UNC79: variants seen among roughly 807,000 people sequenced by gnomAD.
UNC79 encodes the protein protein unc-79 homolog.
Under a neutral mutation model 283.1 loss-of-function variants are expected in UNC79, and 37 were observed. The observed-to-expected ratio is 0.13, with a 90% CI of 0.10 to 0.17. The LOEUF is 0.17. UNC79 is among the 10% of genes least tolerant of loss of function. The probability of loss-of-function intolerance (pLI) is 1.00; values close to 1 mark genes in which losing one functional copy is unlikely to be tolerated. For missense variants in UNC79, 2,272 were observed against 3,211.1 expected (o/e 0.71, Z 7.07); for synonymous variants, 1,107 against 1,200.2 (o/e 0.92, Z 1.61).
intron 4 of UNC79, among the ~76,000 whole-genome samples, chr14:93,483,115 CT>C (rs2058224490): frequency 6.6e-6 from 1 of 152,164 alleles, no homozygotes; most frequent in South Asian, 2.1e-4. Context: ...TATTTGCTTC[CT>C]TACATTCTTT....
chr14:93,424,874 C>T (rs1443299961), intron 1 of UNC79, among the ~76,000 whole-genome samples: 2 of 152,024 alleles, frequency 1.3e-5, no homozygotes, highest in East Asian at 3.9e-4. Context: ...AATTGGATTG[C>T]GTATAACACA....
At chr14:93,333,390 T>TCGGCGGC in exon 1 of UNC79, 2 of 398,662 alleles carry the variant, frequency 5.0e-6, no homozygotes, top group Non-Finnish European at 8.8e-6. Context: ...ATGTTTCCGT[T>TCGGCGGC]CGGCGGCCGG....
chr14:93,411,456 T>C (rs1161466402), intron 1 of UNC79, among the ~76,000 whole-genome samples: 1 of 152,132 alleles, frequency 6.6e-6, no homozygotes, highest in Non-Finnish European at 1.5e-5. Flanking sequence ...GGAACAAAGG[T>C]GATAGCCAGG....
chr14:93,385,962 A>C (rs897442299), intron 1 of UNC79, among the ~76,000 whole-genome samples: 2 of 151,926 alleles, frequency 1.3e-5, no homozygotes, highest in African/African-American at 4.8e-5. Flanking sequence ...GATGCCCTTT[A>C]TTTCTTTCTC....
chr14:93,642,960 G>A (rs544861514), intron 33 of UNC79, among the ~76,000 whole-genome samples: 3 of 152,206 alleles, frequency 2.0e-5, no homozygotes, highest in South Asian at 4.1e-4. Flanking sequence ...ACCTAAAAGC[G>A]GGTGCCATTG....
At chr14:93,464,458 G>C in intron 1 of UNC79, 1 of 452,550 alleles carries the variant, frequency 2.2e-6, no homozygotes, top group South Asian at 1.6e-5. Context: ...GATTGGATTA[G>C]GGTCCACCAC....
intron 1 of UNC79, among the ~76,000 whole-genome samples, chr14:93,388,384 C>T (rs185234006): frequency 1.3e-5 from 2 of 152,212 alleles, no homozygotes; most frequent in Admixed American, 1.3e-4. Context: ...TCTCTTTCTC[C>T]CTTTCTTCCT....
At chr14:93,465,857 T>G (rs2140248695) in intron 1 of UNC79, among the ~76,000 whole-genome samples, 1 of 152,318 alleles carries the variant, frequency 6.6e-6, no homozygotes, top group South Asian at 2.1e-4. Flanking sequence ...CAGTAATGCT[T>G]CATTACTGTG....
In UNC79 at chr14:93,467,652, T is replaced by TTTTTTTTTTTTTTTG; in HGVS notation, c.23-13_23-12insTTTTTTTTGTTTTTT. The TTTTTTTTTTTTTTTG allele has an allele frequency of 9.1e-7, 1 of 1,098,802 alleles. No homozygotes were observed. 68.1% of individuals were successfully genotyped at this position (1,098,802 alleles called of 1,614,324 possible). A position where few individuals can be genotyped will look rare whatever the true frequency, so the allele number is the denominator to read the frequency against. ...CCTTTTTTTTTTTTTTTTTTTTTTT[T>TTTTTTTTTTTTTTTG]TTTTTTGCTTTTATCTAGTTGCTTC... On this transcript the variant is annotated intron_variant, in intron 1 of 48. Coordinates refer to ENST00000555664, the Ensembl canonical transcript of UNC79.
exon 30 of UNC79, chr14:93,622,294 A>G (rs376584693): frequency 1.1e-5 from 17 of 1,613,980 alleles, no homozygotes; most frequent in Non-Finnish European, 1.1e-5. Context: ...TTGTACAAGT[A>G]AGTGTGGAGG....
At chr14:93,434,201 A>G (rs1484077316) in intron 1 of UNC79, among the ~76,000 whole-genome samples, 1 of 152,018 alleles carries the variant, frequency 6.6e-6, no homozygotes, top group Non-Finnish European at 1.5e-5. Flanking sequence ...AAACCAGAGC[A>G]AAACTCCGTC....
At chr14:93,386,580 G>A (rs2054778934) in intron 1 of UNC79, among the ~76,000 whole-genome samples, 1 of 152,190 alleles carries the variant, frequency 6.6e-6, no homozygotes, top group Non-Finnish European at 1.5e-5. Flanking sequence ...GAATTCAGCA[G>A]TGAAGCCTTT....
chr14:93,416,322 T>C (rs933947091), intron 1 of UNC79, among the ~76,000 whole-genome samples: 19 of 146,322 alleles, frequency 1.3e-4, no homozygotes, highest in African/African-American at 4.6e-4. Flanking sequence ...TCCATGTAGT[T>C]GAGCAGTTTT....
In UNC79 at chr14:93,673,570, A is replaced by T. The variant is rs147014505; in HGVS notation, c.6741+115A>T. On this transcript the variant is annotated intron_variant, in intron 41 of 48. Transcript: ENST00000555664. ...AAATATCTTTGCTTAGAGATGATAA[A>T]TAATATATCTTATATGGACCATGAT... The T allele has an allele frequency of 2.7e-5, 21 of 773,660 alleles. No homozygotes were observed. In the African/African-American group the frequency reaches 3.0e-4, roughly 11 times the overall value. 47.9% of individuals were successfully genotyped at this position (773,660 alleles called of 1,614,324 possible).
chr14:93,509,787 G>C (rs1033043463), intron 7 of UNC79, among the ~76,000 whole-genome samples: 2 of 152,144 alleles, frequency 1.3e-5, no homozygotes, highest in African/African-American at 4.8e-5. Context: ...CCAGGTGCAT[G>C]GTGCAAGCCA....
chr14:93,400,616 G>A (rs964802698), intron 1 of UNC79, among the ~76,000 whole-genome samples: 20 of 152,178 alleles, frequency 1.3e-4, no homozygotes, highest in African/African-American at 4.3e-4. Flanking sequence ...CGTGAATAAA[G>A]GCTTAATGAC....
At chr14:93,582,507 ATC>A (rs1011785998) in intron 20 of UNC79, among the ~76,000 whole-genome samples, 163 bp downstream of exon 20, 1 of 152,102 alleles carries the variant, frequency 6.6e-6, no homozygotes, top group Non-Finnish European at 1.5e-5. Context: ...AAATGAACAG[ATC>A]CGTTACAGTT....
rs563838219 is a variant in UNC79 at position 93,634,020 on chromosome 14, C to G, written c.5716+3112C>G. Among the ~76,000 whole-genome samples the G allele has an allele frequency of 5.3e-5, 8 of 152,206 alleles. No homozygotes were observed. The South Asian group carries it at 1.5e-3, about 28-fold the overall frequency. ...TATAATTTCATTTGCTTCAATTTCT[C>G]TCTCTAAAAATTGGGGTTGATATGT... On this transcript the variant is annotated intron_variant, in intron 31 of 48. Coordinates refer to ENST00000555664, the Ensembl canonical transcript of UNC79.
chr14:93,509,838 C>T (rs1039820091), intron 7 of UNC79, among the ~76,000 whole-genome samples: 1 of 152,158 alleles, frequency 6.6e-6, no homozygotes, highest in African/African-American at 2.4e-5. Flanking sequence ...GACAGTGGAC[C>T]TCTTCTCACA....
Sources: gnomAD v4.1 joint callset for allele counts (sites outside exome capture counted in the v4.1 genomes callset) on GRCh38, gnomAD v4.1.1 for gene constraint, MANE v1.5 for transcripts, NCBI Gene and HGNC (gene_info 2026-07-23, HGNC 2026-07-21) for gene names.